The following TANK variants were observed in gnomAD, a reference collection of about 807,000 sequenced individuals.
The protein encoded by TANK is TRAF family member-associated NF-kappa-B activator.
TANK carries 15 observed loss-of-function variants against 43.6 expected under a neutral mutation model. The observed-to-expected ratio is 0.34, with a 90% CI of 0.23 to 0.53. The LOEUF is 0.53. Ranked by LOEUF, TANK falls within the 20% of genes least tolerant of loss-of-function variation. The pLI is 0.94. For missense variants in TANK, 417 were observed against 498.6 expected, an observed-to-expected ratio of 0.84 and a Z score of 1.56; for synonymous variants, 162 against 178.2, an observed-to-expected ratio of 0.91 and a Z score of 0.73.
At chr2:161,225,862 A>G (rs537027961) in intron 6 of TANK, among the ~76,000 whole-genome samples, 2 of 152,296 alleles carry the variant, frequency 1.3e-5, no homozygotes, top group East Asian at 1.9e-4. Context: ...GAAAAGTTAC[A>G]CAATGTGGTA....
At chr2:161,215,469 T>G (rs1271117212) in intron 4 of TANK, among the ~76,000 whole-genome samples, 1 of 152,214 alleles carries the variant, frequency 6.6e-6, no homozygotes, top group African/African-American at 2.4e-5. Flanking sequence ...GACTCTGAAT[T>G]TTGACTCTAA....
At chr2:161,168,133 G>A (rs939927361) in intron 1 of TANK, among the ~76,000 whole-genome samples, 3 of 152,136 alleles carry the variant, frequency 2.0e-5, no homozygotes, top group Admixed American at 6.5e-5. Context: ...TTTAGTTCAC[G>A]GGAGAGTGAG....
At chr2:161,217,263 G>A (rs186546212) in intron 4 of TANK, among the ~76,000 whole-genome samples, 113 of 152,236 alleles carry the variant, frequency 7.4e-4, no homozygotes, top group Admixed American at 7.2e-3. Context: ...TTTTAGCCTC[G>A]CACAACCTGG....
chr2:161,224,276 CA>C (rs1480575524), intron 5 of TANK, among the ~76,000 whole-genome samples: 1 of 151,672 alleles, frequency 6.6e-6, no homozygotes, highest in Non-Finnish European at 1.5e-5. Context: ...TGAACCTTAC[CA>C]AAATGAGGAA....
At chr2:161,140,087 T>G (rs1450195561) in intron 1 of TANK, 1 of 257,146 alleles carries the variant, frequency 3.9e-6, no homozygotes, top group East Asian at 1.8e-4. Context: ...CTAGAACATA[T>G]CACTGATAGG....
At chr2:161,182,841 TGCA>T (rs1303847910) in intron 2 of TANK, among the ~76,000 whole-genome samples, 1 of 152,176 alleles carries the variant, frequency 6.6e-6, no homozygotes, top group Non-Finnish European at 1.5e-5. Context: ...CTCCAGAGTA[TGCA>T]GCAAGACCCT....
At chr2:161,196,042 G>A (rs1369146350) in intron 2 of TANK, among the ~76,000 whole-genome samples, 3 of 152,064 alleles carry the variant, frequency 2.0e-5, no homozygotes, top group Non-Finnish European at 4.4e-5. Flanking sequence ...CCTAGATCAC[G>A]CTGCTGCACT....
chr2:161,208,816 G>T (rs145228552), intron 4 of TANK, among the ~76,000 whole-genome samples: 1 of 152,306 alleles, frequency 6.6e-6, no homozygotes, highest in Non-Finnish European at 1.5e-5. Flanking sequence ...CCTCTGTGAC[G>T]TAGTCTCAAA....
chr2:161,152,197 C>A (rs1684099347), intron 1 of TANK, among the ~76,000 whole-genome samples: 1 of 152,060 alleles, frequency 6.6e-6, no homozygotes, highest in Non-Finnish European at 1.5e-5. Context: ...AACCAAAATA[C>A]AATTATCCTA....
rs575529401 is a variant in TANK, at chr2:161,200,610, A to T, written c.100-2877A>T. The T allele has an allele frequency of 2.7e-4, 240 of 883,362 alleles. 1 individual carries two copies. Among genetic ancestry groups the T allele is most frequent in the Middle Eastern group, 5.8e-4 (1 of 1,722 alleles). The allele number at this position is 883,362 out of a possible 1,614,324, so 54.7% of individuals were successfully genotyped here. A position where few individuals can be genotyped will look rare whatever the true frequency, so the allele number is the denominator to read the frequency against. ...TCTAACGGTATAAGCTTCCCTTTTT[A>T]AAAAAAAGAATCTTCAAACATTACC... On this transcript the variant is annotated intron_variant, in intron 2 of 7. Transcript: ENST00000392749.
At chr2:161,169,474 G>A (rs998098939) in intron 1 of TANK, among the ~76,000 whole-genome samples, 4 of 152,182 alleles carry the variant, frequency 2.6e-5, no homozygotes, top group East Asian at 1.9e-4. Context: ...GGGGAGAATA[G>A]GAGGTAGGGG....
At chr2:161,234,003 A>AT (rs1459993052) in intron 7 of TANK, among the ~76,000 whole-genome samples, 1 of 152,104 alleles carries the variant, frequency 6.6e-6, no homozygotes, top group Admixed American at 6.5e-5. Flanking sequence ...AAATATTACT[A>AT]TTTTTGTAAT....
At chr2:161,173,575 G>T (rs547890266) in intron 1 of TANK, among the ~76,000 whole-genome samples, 1 of 151,914 alleles carries the variant, frequency 6.6e-6, no homozygotes, top group African/African-American at 2.4e-5. Context: ...TGAACCATTG[G>T]TTGAGGTCTA....
chr2:161,210,454 T>G (rs968771554), intron 4 of TANK, among the ~76,000 whole-genome samples: 1 of 152,132 alleles, frequency 6.6e-6, no homozygotes, highest in South Asian at 2.1e-4. Context: ...AATGACAATA[T>G]GGAGACCTAC....
At chr2:161,194,997 T>G (rs998251511) in intron 2 of TANK, among the ~76,000 whole-genome samples, 4 of 152,334 alleles carry the variant, frequency 2.6e-5, no homozygotes, top group African/African-American at 9.6e-5. Flanking sequence ...ATTTCTTTGT[T>G]GTACATTGTC....
chr2:161,180,902 G>GA (rs1685388804), intron 2 of TANK, among the ~76,000 whole-genome samples: 1 of 135,682 alleles, frequency 7.4e-6, no homozygotes. Flanking sequence ...AGAGTTCAGG[G>GA]TTTTTTTTTT....
intron 2 of TANK, among the ~76,000 whole-genome samples, chr2:161,199,398 A>C (rs1161452785): frequency 6.6e-6 from 1 of 152,142 alleles, no homozygotes; most frequent in African/African-American, 2.4e-5. Flanking sequence ...AGGGCACTTA[A>C]ACTTTTTTTC....
chr2:161,189,174 AAG>A (rs1346326243), intron 2 of TANK, among the ~76,000 whole-genome samples: 1 of 152,230 alleles, frequency 6.6e-6, no homozygotes, highest in East Asian at 1.9e-4. Context: ...AGCATATTAA[AAG>A]AATTACATAT....
At chr2:161,177,120 T>C (rs905334014) in intron 1 of TANK, among the ~76,000 whole-genome samples, 20 of 152,160 alleles carry the variant, frequency 1.3e-4, no homozygotes, top group African/African-American at 4.3e-4. Context: ...AGTGTCTATG[T>C]CTGGGCCAAG....
Sources: allele counts gnomAD v4.1 joint callset (sites outside exome capture counted in the v4.1 genomes callset), GRCh38; gene constraint gnomAD v4.1.1; transcripts MANE v1.5; gene names NCBI Gene and HGNC (gene_info 2026-07-23, HGNC 2026-07-21).